RASAL2: variants seen among roughly 807,000 people sequenced by gnomAD.
The protein encoded by RASAL2 is RAS protein activator like 2, also known as ras GTPase-activating protein nGAP.
A neutral mutation model predicts 128.9 loss-of-function variants in RASAL2; 58 were observed. The observed-to-expected ratio is 0.45, with a 90% CI of 0.36 to 0.56. The LOEUF is 0.56. RASAL2 is among the 20% of genes least tolerant of loss of function. The pLI is 0.00. For synonymous variants in RASAL2, 561 were observed against 580.8 expected (o/e 0.97, Z 0.49); for missense variants, 1,360 against 1,601.6 (o/e 0.85, Z 2.57).
chr1:178,137,110 T>C (rs2102321197), intron 1 of RASAL2, among the ~76,000 whole-genome samples: 1 of 152,322 alleles, frequency 6.6e-6, no homozygotes, highest in Admixed American at 6.5e-5. Context: ...TTCCAAAATT[T>C]TGAGACAGTA....
intron 1 of RASAL2, among the ~76,000 whole-genome samples, chr1:178,277,651 C>T (rs1666589478): frequency 6.6e-6 from 1 of 152,198 alleles, no homozygotes; most frequent in African/African-American, 2.4e-5. Flanking sequence ...CAGGAAAATA[C>T]AGATCTATCC....
At chr1:178,276,176 G>C (rs184803939) in intron 1 of RASAL2, among the ~76,000 whole-genome samples, 37 of 152,256 alleles carry the variant, frequency 2.4e-4, no homozygotes, top group Non-Finnish European at 4.9e-4. Context: ...AATGTTCATT[G>C]TGTGTCAGGA....
chr1:178,336,103 A>G (rs184575670), intron 3 of RASAL2, among the ~76,000 whole-genome samples: 68 of 152,128 alleles, frequency 4.5e-4, no homozygotes, highest in African/African-American at 1.6e-3. Context: ...AAAATGGGCA[A>G]AATAGTATAA....
At chr1:178,133,204 G>A (rs1297375576) in intron 1 of RASAL2, among the ~76,000 whole-genome samples, 2 of 152,044 alleles carry the variant, frequency 1.3e-5, no homozygotes, top group Admixed American at 1.3e-4. Flanking sequence ...CCCTTTCTTC[G>A]TTTCCTCACT....
intron 1 of RASAL2, among the ~76,000 whole-genome samples, chr1:178,279,267 T>A (rs1292563059): frequency 2.0e-5 from 3 of 152,204 alleles, no homozygotes; most frequent in African/African-American, 7.2e-5. Context: ...TTAGTGACTC[T>A]TTTATTCTCT....
At chr1:178,102,921 A>G (rs1658956756) in intron 1 of RASAL2, among the ~76,000 whole-genome samples, 1 of 152,206 alleles carries the variant, frequency 6.6e-6, no homozygotes, top group Non-Finnish European at 1.5e-5. Context: ...AGATATGTAA[A>G]AATCCTGCCA....
At chr1:178,206,743 A>G (rs773476442) in intron 1 of RASAL2, among the ~76,000 whole-genome samples, 1 of 152,216 alleles carries the variant, frequency 6.6e-6, no homozygotes, top group Non-Finnish European at 1.5e-5. Context: ...AACATTTTTT[A>G]TAATGTTACT....
At chr1:178,269,189 G>GAGAA (rs1346121752) in intron 1 of RASAL2, among the ~76,000 whole-genome samples, 3 of 152,216 alleles carry the variant, frequency 2.0e-5, no homozygotes, top group African/African-American at 7.2e-5. Flanking sequence ...AGGACACAGT[G>GAGAA]AGAAGGTGGC....
At position 178,094,402 on chromosome 1, in the gene RASAL2, C is replaced by A; in HGVS notation, c.-91C>A. ...CGGGTCCCTGCCCTCGCTGCGCGCT[C>A]TCCTCCTCCCCTTACCGCAGGCAGG... On this transcript the variant is annotated 5_prime_UTR_variant, in exon 1 of 18. Coordinates refer to ENST00000367649, the MANE Select transcript of RASAL2 (RefSeq NM_170692.4). The A allele has an allele frequency of 8.0e-7, 1 of 1,249,990 alleles. No individual in the cohort carries two copies. The highest frequency in any genetic ancestry group is 1.1e-6 in the Non-Finnish European group (1 of 935,756). The allele number at this position is 1,249,990 out of a possible 1,614,324, so 77.4% of individuals were successfully genotyped here. A position where few individuals can be genotyped will look rare whatever the true frequency, so the allele number is the denominator to read the frequency against.
intron 3 of RASAL2, among the ~76,000 whole-genome samples, chr1:178,356,189 A>AC (rs1670800992): frequency 1.3e-5 from 2 of 150,658 alleles, no homozygotes; most frequent in South Asian, 2.1e-4. Context: ...AAAAAAAAAA[A>AC]CCCACAAGAT....
intron 15 of RASAL2, among the ~76,000 whole-genome samples, chr1:178,464,831 G>GTTTTTTTTGTTT (rs1647491389): frequency 2.6e-5 from 1 of 38,198 alleles, no homozygotes; most frequent in East Asian, 1.0e-3. Context: ...GGTTTTAGTT[G>GTTTTTTTTGTTT]TTTTTTTTTT....
At chr1:178,442,329 A>G (rs1483140309) in intron 7 of RASAL2, among the ~76,000 whole-genome samples, 1 of 152,192 alleles carries the variant, frequency 6.6e-6, no homozygotes, top group Non-Finnish European at 1.5e-5. Context: ...ACATGATAGA[A>G]GAGGGACTAG....
intron 4 of RASAL2, among the ~76,000 whole-genome samples, chr1:178,393,479 A>G (rs1013862087): frequency 1.3e-5 from 2 of 152,184 alleles, no homozygotes; most frequent in African/African-American, 4.8e-5. Flanking sequence ...CTGATCTGAC[A>G]GGAGGCAGAG....
intron 3 of RASAL2, among the ~76,000 whole-genome samples, chr1:178,371,025 A>G (rs1671670688): frequency 1.3e-5 from 2 of 152,004 alleles, no homozygotes; most frequent in African/African-American, 4.8e-5. Flanking sequence ...TTTATTAAGA[A>G]TATTGTTTTA....
At chr1:178,161,494 T>C (rs1661293495) in intron 1 of RASAL2, among the ~76,000 whole-genome samples, 1 of 152,244 alleles carries the variant, frequency 6.6e-6, no homozygotes. Flanking sequence ...CCAGTCATTA[T>C]TTGAATATAC....
chr1:178,311,220 C>T (rs953788513), intron 3 of RASAL2, among the ~76,000 whole-genome samples: 7 of 132,508 alleles, frequency 5.3e-5, no homozygotes, highest in African/African-American at 1.5e-4. Context: ...ATATGGAGAA[C>T]GAGAAAGAAG....
chr1:178,426,372 A>G (rs1675515300), intron 5 of RASAL2, among the ~76,000 whole-genome samples: 1 of 152,100 alleles, frequency 6.6e-6, no homozygotes, highest in Non-Finnish European at 1.5e-5. Context: ...AACCTTGAAA[A>G]CACTGAAGTG....
At chr1:178,355,131 TTCTC>T (rs1173049095) in intron 3 of RASAL2, among the ~76,000 whole-genome samples, 1 of 152,188 alleles carries the variant, frequency 6.6e-6, no homozygotes, top group Non-Finnish European at 1.5e-5. Flanking sequence ...CTGTCTGTCT[TTCTC>T]TCTTTCTTTC....
intron 4 of RASAL2, among the ~76,000 whole-genome samples, chr1:178,392,608 A>G (rs370574047): frequency 4.3e-4 from 66 of 152,276 alleles, no homozygotes; most frequent in South Asian, 3.7e-3. Flanking sequence ...ATATGGGTAA[A>G]TTACTTGACT....
Sources: allele counts gnomAD v4.1 joint callset (sites outside exome capture counted in the v4.1 genomes callset), GRCh38; gene constraint gnomAD v4.1.1; transcripts MANE v1.5; gene names NCBI Gene and HGNC (gene_info 2026-07-23, HGNC 2026-07-21).